The following GFM1 variants were observed in gnomAD, a reference collection of about 807,000 sequenced individuals.
GFM1 encodes the protein elongation factor G, mitochondrial.
A neutral mutation model predicts 96.2 loss-of-function variants in GFM1; 62 were observed. That is an observed-to-expected ratio of 0.64 (90% CI 0.53 to 0.80). The LOEUF (loss-of-function observed/expected upper bound fraction) is 0.80. GFM1 is among the 30% of genes least tolerant of loss of function. GFM1 has a pLI of 0.00. For missense variants in GFM1, 852 were observed against 916.6 expected (o/e 0.93, Z 0.91); for synonymous variants, 282 against 312.9 (o/e 0.90, Z 1.04).
At chr3:158,659,103 G>A (rs1161517989) in intron 9 of GFM1, 44 bp downstream of exon 9, 2 of 1,608,122 alleles carry the variant, frequency 1.2e-6, no homozygotes, top group South Asian at 1.1e-5. Flanking sequence ...CTCTGATGTG[G>A]GTGAAATAGA....
rs1260417645 is a variant in GFM1, at chr3:158,691,568, T to C, written c.*101T>C. 1 of 1,372,876 alleles carries C rather than the reference T, an allele frequency of 7.3e-7. No individual in the cohort carries two copies. The highest frequency in any genetic ancestry group is 1.0e-6 in the Non-Finnish European group (1 of 968,784). The allele number at this position is 1,372,876 out of a possible 1,614,324, so 85.0% of individuals were successfully genotyped here. ...AATTCAGGCTGCTGAAACAAGAAAT[T>C]CTGAGCCCAGGAAGCGGGCTCTTCT... is the stretch of plus-strand genomic sequence containing the variant. On this transcript the variant is annotated 3_prime_UTR_variant, in exon 18 of 18. Transcript: ENST00000486715.
intron 5 of GFM1, chr3:158,651,036 A>AG (rs1488183429): frequency 6.6e-6 from 1 of 151,550 alleles, no homozygotes. Flanking sequence ...AAAAAAAAAA[A>AG]AAAAAAAAAG....
intron 5 of GFM1, among the ~76,000 whole-genome samples, chr3:158,651,450 T>C (rs1188817806): frequency 1.3e-5 from 2 of 151,804 alleles, no homozygotes; most frequent in Admixed American, 1.3e-4. Flanking sequence ...CTGTGTAAGT[T>C]AGTTTCCTGA....
intron 11 of GFM1, among the ~76,000 whole-genome samples, chr3:158,664,158 C>T (rs1723419906): frequency 6.6e-6 from 1 of 152,176 alleles, no homozygotes; most frequent in Non-Finnish European, 1.5e-5. Flanking sequence ...ACCACAGCTC[C>T]AGGTATGTGG....
chr3:158,658,575 CT>C (rs559038471), intron 8 of GFM1, among the ~76,000 whole-genome samples: 31 of 151,940 alleles, frequency 2.0e-4, no homozygotes, highest in Middle Eastern at 3.4e-3. Flanking sequence ...CCAAGTATAC[CT>C]TTTTTTTGTT....
chr3:158,656,512 G>A (rs938274583), intron 8 of GFM1: 7 of 152,402 alleles, frequency 4.6e-5, no homozygotes, highest in African/African-American at 1.7e-4. Flanking sequence ...GTGTTTGACA[G>A]GTTTCTCTGC....
At chr3:158,656,101 T>C (rs532945070) in intron 8 of GFM1, 19 of 319,132 alleles carry the variant, frequency 6.0e-5, no homozygotes, top group Non-Finnish European at 1.1e-4. Context: ...TCACATCATA[T>C]CCAAGGTACA....
At position 158,645,616 on chromosome 3, in the gene GFM1, G is replaced by T. The variant is rs775613083; in HGVS notation, c.82-13G>T. The T allele has an allele frequency of 6.2e-7, 1 of 1,607,052 alleles. No individual in the cohort carries two copies. The highest frequency in any genetic ancestry group is 1.3e-5 in the African/African-American group (1 of 74,804). ...AAAAGGTGCATAGAATTGAGCTCTC[G>T]TATTTTTTTCAGGTTAATTGGAAGG... On this transcript the variant is annotated splice_polypyrimidine_tract_variant and intron_variant, in intron 1 of 17. Coordinates refer to ENST00000486715, the MANE Select transcript of GFM1 (RefSeq NM_024996.7).
chr3:158,659,037 G>C lies in GFM1; in HGVS notation c.1199G>C (p.Arg400Pro), dbSNP rs139692119. Residue 400 changes from arginine to proline, a missense_variant, in exon 9 of 18, where the codon CGC (arginine) becomes CCC (proline). Arg to Pro is a moderately radical substitution (Grantham distance 103). Coordinates refer to ENST00000486715, the MANE Select transcript of GFM1 (RefSeq NM_024996.7). The stretch of plus-strand genomic sequence containing the variant: ...AAAGTACGGTTGCAACGGCTGGCTC[G>C]CATGCATGCCGACATGATGGAGGCA... ...RKKVRLQRLA[R>P]MHADMMEDVE... The C allele has an allele frequency of 5.3e-5, 86 of 1,614,032 alleles. No individual in the cohort carries two copies. Among genetic ancestry groups the C allele is most frequent in the Non-Finnish European group, 6.5e-5 (77 of 1,180,030 alleles).
intron 5 of GFM1, chr3:158,650,282 A>G (rs1006004270): frequency 5.1e-5 from 28 of 552,844 alleles, no homozygotes; most frequent in Non-Finnish European, 8.8e-5. Context: ...ATTCACTGCT[A>G]TGTCCCAGCC....
At position 158,644,552 on chromosome 3, in the gene GFM1, T is replaced by A; in HGVS notation, c.-83T>A. The A allele has an allele frequency of 8.8e-7, 1 of 1,133,448 alleles. No individual in the cohort carries two copies. Among genetic ancestry groups the A allele is most frequent in the Non-Finnish European group, 1.3e-6 (1 of 771,710 alleles). 70.2% of individuals were successfully genotyped at this position (1,133,448 alleles called of 1,614,324 possible). A position where few individuals can be genotyped will look rare whatever the true frequency, so the allele number is the denominator to read the frequency against. On this transcript the variant is annotated 5_prime_UTR_variant, in exon 1 of 18. Transcript: ENST00000486715. ...GCTCTTACAACATTGGCTGCCGGCG[T>A]GACTTTGACCGCTTCCCGGTGCGTT...
rs768476810 is a variant in GFM1, at chr3:158,691,188, C to T, written c.2120C>T (p.Thr707Ile). 6.2e-7 allele frequency: 1 copy of T among 1,611,796 alleles called. No individual in the cohort carries two copies. The highest frequency in any genetic ancestry group is 1.1e-5 in the South Asian group (1 of 91,046). The part of the protein sequence containing the change: ...FGYSTELRSC[T>I]EGKGEYTMEY... Reference sequence around the variant, plus strand: ...TATTCCACTGAACTTAGGTCATGCACAGAGGTAGGCAAATTTAAACTTACC... The same window carrying T: ...TATTCCACTGAACTTAGGTCATGCATAGAGGTAGGCAAATTTAAACTTACC... The change falls in exon 17 of 18, where the codon ACA becomes ATA. Residue 707 changes from threonine to isoleucine, a missense_variant. Thr to Ile is a moderately conservative substitution (Grantham distance 89). Coordinates refer to ENST00000486715, the MANE Select transcript of GFM1 (RefSeq NM_024996.7).
At chr3:158,681,892 TG>T in intron 13 of GFM1, 102 bp from the exon 14 acceptor site, 1 of 1,002,472 alleles carries the variant, frequency 1.0e-6, no homozygotes, top group Non-Finnish European at 1.5e-6. Flanking sequence ...CATATTCAAA[TG>T]AAAAAGTAAA....
intron 3 of GFM1, 91 bp downstream of exon 3, chr3:158,646,388 C>T (rs1332138763): frequency 1.5e-6 from 2 of 1,315,010 alleles, no homozygotes; most frequent in African/African-American, 2.9e-5. Flanking sequence ...TTTTGATTGT[C>T]AAATACTCAA....
chr3:158,684,687 C>CCTTA lies in GFM1; in HGVS notation c.1909+20_1909+23dup. 6.2e-7 allele frequency: 1 copy of CCTTA among 1,613,396 alleles called. No individual in the cohort carries two copies. The highest frequency in any genetic ancestry group is 1.1e-5 in the South Asian group (1 of 91,062). On this transcript the variant is annotated intron_variant, in intron 15 of 17. Coordinates refer to ENST00000486715, the MANE Select transcript of GFM1 (RefSeq NM_024996.7). Reference sequence around the variant, plus strand: ...AAACAAGGTATGCTGGGTCCGGGCACCTTAGCCTGTCTGTTTTCCTGATAG... The same window carrying CCTTA: ...AAACAAGGTATGCTGGGTCCGGGCACCTTACTTAGCCTGTCTGTTTTCCTGATAG...
intron 13 of GFM1, among the ~76,000 whole-genome samples, chr3:158,679,028 C>T (rs1377800305): frequency 1.3e-5 from 2 of 152,136 alleles, no homozygotes; most frequent in Non-Finnish European, 2.9e-5. Flanking sequence ...AAGAAATTGC[C>T]ACAGCCACCT....
At position 158,686,106 on chromosome 3, in the gene GFM1, A is replaced by G. The variant is rs1725809708; in HGVS notation, c.1909+1438A>G. The stretch of plus-strand genomic sequence containing the variant: ...CAGATCTATGTGGCCATATATATAC[A>G]TAGATAAATAATGTGGCCATATACA... On this transcript the variant is annotated intron_variant, in intron 15 of 17. Coordinates refer to ENST00000486715, the MANE Select transcript of GFM1 (RefSeq NM_024996.7). Among the ~76,000 whole-genome samples the G allele has an allele frequency of 2.0e-5, 3 of 150,864 alleles. No individual in the cohort carries two copies. In the South Asian group the frequency reaches 6.2e-4, roughly 31 times the overall value.
chr3:158,678,476 A>G lies in GFM1; in HGVS notation c.1602-3519A>G, dbSNP rs142802718. Reference sequence around the variant, plus strand: ...TTGGAAGAAGTTGATTCCAACCCTCATGGATGACTCTGAGGAGTTTAAGAC... The same window carrying G: ...TTGGAAGAAGTTGATTCCAACCCTCGTGGATGACTCTGAGGAGTTTAAGAC... On this transcript the variant is annotated intron_variant, in intron 13 of 17. Coordinates refer to ENST00000486715, the MANE Select transcript of GFM1 (RefSeq NM_024996.7). Among the ~76,000 whole-genome samples, 944 of 152,326 alleles carry G rather than the reference A, an allele frequency of 6.2e-3. 7 individuals are homozygous for G. Among genetic ancestry groups the G allele is most frequent in the Non-Finnish European group, 9.7e-3 (657 of 68,032 alleles).
intron 2 of GFM1, 133 bp downstream of exon 2, chr3:158,645,914 C>T: frequency 2.2e-6 from 2 of 926,178 alleles, no homozygotes; most frequent in Non-Finnish European, 1.7e-6. Flanking sequence ...TTAGGCTTAT[C>T]TGAAAGTTGC....
Sources: gnomAD v4.1 joint callset for allele counts (sites outside exome capture counted in the v4.1 genomes callset) on GRCh38, gnomAD v4.1.1 for gene constraint, MANE v1.5 for transcripts, NCBI Gene and HGNC (gene_info 2026-07-23, HGNC 2026-07-21) for gene names.